Variants in GALNT9 observed in about 807,000 individuals in gnomAD.
The protein encoded by GALNT9 is GalNAc transferase 9.
A neutral mutation model predicts 63.1 loss-of-function variants in GALNT9; 47 were observed. That is an observed-to-expected ratio of 0.75 (90% CI 0.59 to 0.95). The LOEUF is 0.95. GALNT9 is among the 40% of genes least tolerant of loss of function. The probability of loss-of-function intolerance (pLI) is 0.00; values close to 1 mark genes in which losing one functional copy is unlikely to be tolerated. For missense variants in GALNT9, 829 were observed against 874.8 expected (o/e 0.95, Z 0.66); for synonymous variants, 396 against 365.7 (o/e 1.08, Z -0.94).
At chr12:132,302,996 T>A (rs1050888574) in intron 1 of GALNT9, among the ~76,000 whole-genome samples, 1 of 152,090 alleles carries the variant, frequency 6.6e-6, no homozygotes, top group African/African-American at 2.4e-5. Context: ...CCCAGGGGCC[T>A]GTGCAGAGTC....
chr12:132,321,499 G>A lies in GALNT9; in HGVS notation c.238+7467C>T, dbSNP rs1400898972. Among the ~76,000 whole-genome samples, 3 of 152,300 alleles carry A rather than the reference G, an allele frequency of 2.0e-5. No homozygotes were observed. In the East Asian group the frequency reaches 5.8e-4, roughly 29 times the overall value. On this transcript the variant is annotated intron_variant, in intron 1 of 10. Coordinates refer to ENST00000328957, the MANE Select transcript of GALNT9 (RefSeq NM_001122636.2). ...AACCTTCTGGCATGGTCCGGAGCCT[G>A]GGAGTGCAGCCAGCACCCTTCCGGG...
chr12:132,241,230 T>C (rs1411518492), intron 6 of GALNT9, among the ~76,000 whole-genome samples: 1 of 74,714 alleles, frequency 1.3e-5, no homozygotes, highest in African/African-American at 5.8e-5. Flanking sequence ...CCAGGGGCCC[T>C]CCCTATACCC....
At chr12:132,323,898 A>G in intron 1 of GALNT9, among the ~76,000 whole-genome samples, 1 of 151,648 alleles carries the variant, frequency 6.6e-6, no homozygotes, top group East Asian at 2.0e-4. Flanking sequence ...CGGGGCCGGG[A>G]CTGAAGCCTC....
chr12:132,267,901 A>G (rs376831418), intron 2 of GALNT9, among the ~76,000 whole-genome samples: 1,640 of 150,418 alleles, frequency 0.011, 31 homozygotes, highest in South Asian at 0.083. Context: ...GCACACACGC[A>G]CACAAATCCA....
intron 1 of GALNT9, among the ~76,000 whole-genome samples, chr12:132,290,968 A>T (rs368932187): frequency 5.3e-5 from 3 of 56,916 alleles, no homozygotes; most frequent in African/African-American, 7.5e-5. Flanking sequence ...GCCCACATCC[A>T]CAGCACCCAC....
rs782674890 is a variant in GALNT9, at chr12:132,257,883, G to A, written c.765C>T (p.Ala255=). 1.1e-4 allele frequency: 165 copies of A among 1,534,294 alleles called. No individual in the cohort carries two copies. The Admixed American group carries it at 1.7e-3, about 15-fold the overall frequency. ...CTCGGATCCGCGACAGTGCGGGCTC[G>A]GCCCTGCGGAGGCACAGCTGTGAGG... ...DAHVEFNTGW[A]EPALSRIRED... The change falls in exon 5 of 11, where the codon GCC becomes GCT. Residue 255 remains alanine, a synonymous_variant. Coordinates refer to ENST00000328957, the MANE Select transcript of GALNT9 (RefSeq NM_001122636.2).
intron 1 of GALNT9, among the ~76,000 whole-genome samples, chr12:132,297,193 T>G (rs1881105905): frequency 6.7e-6 from 1 of 148,866 alleles, no homozygotes. Context: ...ACTCCCACAA[T>G]AACCAACTCA....
chr12:132,211,201 C>CT (rs1196222134), intron 6 of GALNT9, among the ~76,000 whole-genome samples: 2 of 152,194 alleles, frequency 1.3e-5, no homozygotes, highest in Admixed American at 1.3e-4. Flanking sequence ...CTCTCGACAA[C>CT]TTTTTGCAGA....
rs1409198473 is a variant in GALNT9, at chr12:132,236,739, T to TG, written c.1077+11170dup. Reference sequence around the variant, plus strand: ...CCTGGCCTCGGCCAGCCACGCCTCCTGGGGGTCTCCCGTGTCTAAGTCTTG... The same window carrying TG: ...CCTGGCCTCGGCCAGCCACGCCTCCTGGGGGGTCTCCCGTGTCTAAGTCTTG... On this transcript the variant is annotated intron_variant, in intron 6 of 10. Transcript: ENST00000328957. The surrounding 1 kb of genome is among the most constrained non-coding windows in gnomAD (Gnocchi z 5.6). Among the ~76,000 whole-genome samples the TG allele has an allele frequency of 1.3e-5, 2 of 152,202 alleles. No homozygotes were observed. Among genetic ancestry groups the TG allele is most frequent in the Admixed American group, 6.5e-5 (1 of 15,286 alleles).
rs1878966495 is a variant in GALNT9 at position 132,252,642 on chromosome 12, G to A, written c.960-4615C>T. On this transcript the variant is annotated intron_variant, in intron 5 of 10. Coordinates refer to ENST00000328957, the MANE Select transcript of GALNT9 (RefSeq NM_001122636.2). The surrounding 1 kb of genome is among the most constrained non-coding windows in gnomAD (Gnocchi z 5.2). ...GCCTGTAATCCCAGCACTTTGGGAG[G>A]CCGAGGCAGGCGGATCACCTGAGGT... Among the ~76,000 whole-genome samples the A allele has an allele frequency of 6.6e-6, 1 of 152,192 alleles. No homozygotes were observed. Among genetic ancestry groups the A allele is most frequent in the Admixed American group, 6.5e-5 (1 of 15,274 alleles).
chr12:132,295,716 G>A (rs1423460104), intron 1 of GALNT9, among the ~76,000 whole-genome samples: 5 of 152,266 alleles, frequency 3.3e-5, no homozygotes, highest in Non-Finnish European at 5.9e-5. Context: ...ATTCTGGACC[G>A]CCGGCCTCCA....
intron 1 of GALNT9, among the ~76,000 whole-genome samples, chr12:132,289,127 C>T (rs1344540974): frequency 6.6e-6 from 1 of 152,222 alleles, no homozygotes; most frequent in East Asian, 1.9e-4. Flanking sequence ...CTCATGCCAA[C>T]GTTCAGCTCC....
intron 6 of GALNT9, among the ~76,000 whole-genome samples, chr12:132,226,789 A>C (rs1422276578): frequency 1.4e-5 from 2 of 143,284 alleles, no homozygotes; most frequent in Admixed American, 6.9e-5. Context: ...TCCCACACAT[A>C]CACCCCATAT....
chr12:132,320,671 C>T (rs28474681), intron 1 of GALNT9, among the ~76,000 whole-genome samples: 59,228 of 124,484 alleles, frequency 0.48, 11,724 homozygotes, highest in East Asian at 0.62. Flanking sequence ...AGGGAAGCTC[C>T]CTCGGCATGA....
intron 2 of GALNT9, among the ~76,000 whole-genome samples, chr12:132,285,837 TAGAG>T (rs1251928102): frequency 6.7e-6 from 1 of 150,362 alleles, no homozygotes; most frequent in African/African-American, 2.5e-5. Context: ...CACAGAGAGA[TAGAG>T]AAAGACAGAG....
intron 1 of GALNT9, among the ~76,000 whole-genome samples, chr12:132,304,302 C>G (rs1351117875): frequency 6.0e-5 from 6 of 99,520 alleles, no homozygotes; most frequent in Admixed American, 9.8e-5. Context: ...CCCGGACACA[C>G]CCTCACCCGG....
At chr12:132,205,063 C>G (rs538751359) in intron 6 of GALNT9, among the ~76,000 whole-genome samples, 249 of 152,242 alleles carry the variant, frequency 1.6e-3, no homozygotes, top group Middle Eastern at 3.4e-3. Flanking sequence ...GAGCCTCTGC[C>G]CAGCTGAGCT....
intron 6 of GALNT9, among the ~76,000 whole-genome samples, chr12:132,237,619 C>T (rs1409103928): frequency 1.3e-5 from 2 of 152,202 alleles, no homozygotes; most frequent in Non-Finnish European, 2.9e-5. Context: ...CACCTGCTCA[C>T]ACCACACACC....
intron 1 of GALNT9, among the ~76,000 whole-genome samples, chr12:132,314,140 A>G (rs1205758057): frequency 1.0e-5 from 1 of 97,448 alleles, no homozygotes; most frequent in Non-Finnish European, 2.0e-5. Flanking sequence ...CCACCCACAC[A>G]TCCACCCACC....
Sources: allele counts gnomAD v4.1 joint callset (sites outside exome capture counted in the v4.1 genomes callset), GRCh38; gene constraint gnomAD v4.1.1; non-coding constraint Gnocchi (gnomAD v3.1); transcripts MANE v1.5; gene names NCBI Gene and HGNC (gene_info 2026-07-23, HGNC 2026-07-21).